KIAA1217: variants seen among roughly 807,000 people sequenced by gnomAD.
The protein encoded by KIAA1217 is sickle tail protein homolog.
Under a neutral mutation model 163.9 loss-of-function variants are expected in KIAA1217, and 88 were observed. The ratio of observed to expected loss-of-function variants is 0.54; its 90% CI spans 0.45 to 0.64. KIAA1217 has a LOEUF of 0.64. KIAA1217 is among the 30% of genes least tolerant of loss of function. The probability of loss-of-function intolerance (pLI) is 0.00; values close to 1 mark genes in which losing one functional copy is unlikely to be tolerated. For synonymous variants in KIAA1217, 903 were observed against 923.1 expected (o/e 0.98, Z 0.39); for missense variants, 2,372 against 2,475.0 (o/e 0.96, Z 0.88).
chr10:24,119,910 C>G (rs556524973), intron 2 of KIAA1217, among the ~76,000 whole-genome samples: 1 of 152,222 alleles, frequency 6.6e-6, no homozygotes, highest in Admixed American at 6.5e-5. Context: ...AAGCCATCAC[C>G]TGTACCAAGG....
intron 9 of KIAA1217, among the ~76,000 whole-genome samples, chr10:24,507,803 A>G (rs954042030): frequency 6.6e-6 from 1 of 152,342 alleles, no homozygotes; most frequent in South Asian, 2.1e-4. Flanking sequence ...ACCAAAGCAC[A>G]TGGTAGTCAA....
intron 2 of KIAA1217, among the ~76,000 whole-genome samples, chr10:24,147,832 C>CAAAAAAAA (rs1176106711): frequency 6.7e-3 from 137 of 20,576 alleles, no homozygotes; most frequent in East Asian, 0.011. Context: ...TACTCTGTCT[C>CAAAAAAAA]AAAAAAAAAA....
At chr10:24,270,332 C>T (rs184809481) in intron 2 of KIAA1217, among the ~76,000 whole-genome samples, 1 of 152,156 alleles carries the variant, frequency 6.6e-6, no homozygotes, top group Non-Finnish European at 1.5e-5. Flanking sequence ...CATCTTCCCC[C>T]ACTTACTGGG....
chr10:23,847,643 T>G (rs1839106626), intron 1 of KIAA1217, among the ~76,000 whole-genome samples: 1 of 152,158 alleles, frequency 6.6e-6, no homozygotes, highest in South Asian at 2.1e-4. Context: ...CTCTATCAAT[T>G]TTGTTGATCT....
chr10:23,844,867 C>T (rs1838946367), intron 1 of KIAA1217, among the ~76,000 whole-genome samples: 1 of 152,012 alleles, frequency 6.6e-6, no homozygotes, highest in African/African-American at 2.4e-5. Context: ...TTAGGTATTT[C>T]TCCTCATGCT....
At chr10:23,892,344 T>C (rs1188227940) in intron 1 of KIAA1217, among the ~76,000 whole-genome samples, 1 of 151,802 alleles carries the variant, frequency 6.6e-6, no homozygotes, top group Non-Finnish European at 1.5e-5. Context: ...GAGATTTTCC[T>C]TTCATCTGGT....
chr10:23,694,743 G>C (rs1295613346), upstream of KIAA1217: 1 of 152,592 alleles, frequency 6.6e-6, no homozygotes, highest in Admixed American at 6.5e-5. Context: ...GAAGAGAGCG[G>C]CTGGAGAGGG....
intron 1 of KIAA1217, among the ~76,000 whole-genome samples, chr10:23,990,246 G>A (rs1846161759): frequency 6.6e-6 from 1 of 152,154 alleles, no homozygotes; most frequent in African/African-American, 2.4e-5. Flanking sequence ...GGTAAATCAT[G>A]CAACATATAT....
At chr10:24,283,121 C>T (rs919038875) in intron 2 of KIAA1217, among the ~76,000 whole-genome samples, 1 of 151,850 alleles carries the variant, frequency 6.6e-6, no homozygotes, top group African/African-American at 2.4e-5. Flanking sequence ...GCATGAGCCA[C>T]CGCAACCAGC....
At chr10:23,846,754 A>T (rs1839051325) in intron 1 of KIAA1217, among the ~76,000 whole-genome samples, 1 of 152,204 alleles carries the variant, frequency 6.6e-6, no homozygotes, top group African/African-American at 2.4e-5. Flanking sequence ...TGCCCTGGCC[A>T]GAACTTCCAA....
At position 23,805,996 on chromosome 10, in the gene KIAA1217, C is replaced by CAAAAAAAAAAAAAAAAAAAAAAAA. The variant is rs71397917; in HGVS notation, c.-321+110767_-321+110790dup. On this transcript the variant is annotated intron_variant, in intron 1 of 18. Coordinates refer to the KIAA1217 transcript ENST00000376462. ...GGGCAACAAGAGCAAAACTCCATCT[C>CAAAAAAAAAAAAAAAAAAAAAAAA]AAAAAAAAAAAAAAAAAAAAAAAAA... Among the ~76,000 whole-genome samples, 123 of 30,478 alleles carry CAAAAAAAAAAAAAAAAAAAAAAAA rather than the reference C, an allele frequency of 4.0e-3. 1 individual carries two copies. Among genetic ancestry groups the CAAAAAAAAAAAAAAAAAAAAAAAA allele is most frequent in the Middle Eastern group, 0.031 (1 of 32 alleles). 20.0% of individuals were successfully genotyped at this position (30,478 alleles called of 152,430 possible). A position where few individuals can be genotyped will look rare whatever the true frequency, so the allele number is the denominator to read the frequency against.
intron 2 of KIAA1217, among the ~76,000 whole-genome samples, chr10:24,103,917 C>A (rs2062518017): frequency 6.6e-6 from 1 of 152,086 alleles, no homozygotes; most frequent in South Asian, 2.1e-4. Context: ...AAAAATAGAC[C>A]AACACAAACA....
Position 24,152,415 on chromosome 10 carries a change from T to C in KIAA1217, c.-170-67211T>C, listed in dbSNP as rs547512287. Among the ~76,000 whole-genome samples, 28 of 152,314 alleles carry C rather than the reference T, an allele frequency of 1.8e-4. 1 individual carries two copies. The South Asian group carries it at 5.4e-3, about 29-fold the overall frequency. ...TAAGTACTTAGCCTTTTAAAAACCT[T>C]TCCGTGTGAATCAGTATGTAAAATA... On this transcript the variant is annotated intron_variant, in intron 2 of 18. Transcript: ENST00000376462.
intron 2 of KIAA1217, among the ~76,000 whole-genome samples, chr10:24,183,887 A>T (rs760493092): frequency 1.3e-3 from 200 of 152,334 alleles, no homozygotes; most frequent in Admixed American, 2.4e-3. Context: ...AGGTCTCTTC[A>T]AATCTTCTCT....
intron 2 of KIAA1217, among the ~76,000 whole-genome samples, chr10:24,314,306 G>A (rs1356283667): frequency 2.0e-5 from 3 of 152,114 alleles, no homozygotes; most frequent in Admixed American, 6.6e-5. Context: ...TAAGATTTCT[G>A]CCTAAAATTT....
At chr10:24,424,283 C>T (rs527392639) in intron 3 of KIAA1217, among the ~76,000 whole-genome samples, 1 of 152,238 alleles carries the variant, frequency 6.6e-6, no homozygotes, top group South Asian at 2.1e-4. Flanking sequence ...ACACACACAC[C>T]CTTGTTCAAA....
intron 1 of KIAA1217, among the ~76,000 whole-genome samples, chr10:23,952,499 TC>T (rs1844383759): frequency 6.6e-6 from 1 of 152,156 alleles, no homozygotes; most frequent in Non-Finnish European, 1.5e-5. Flanking sequence ...AACAGGCAAT[TC>T]TAAGTACCTG....
At chr10:24,334,469 AAGGAAGGAAGG>A (rs1422560554) in intron 2 of KIAA1217, among the ~76,000 whole-genome samples, 53 of 150,410 alleles carry the variant, frequency 3.5e-4, no homozygotes, top group Non-Finnish European at 5.5e-4. Context: ...GGAAGGAAGG[AAGGAAGGAAGG>A]AAGGAACTTA....
At chr10:24,085,695 A>C (rs1372835044) in intron 2 of KIAA1217, among the ~76,000 whole-genome samples, 1 of 151,632 alleles carries the variant, frequency 6.6e-6, no homozygotes, top group Non-Finnish European at 1.5e-5. Context: ...GCTGGCTGGG[A>C]GGCATGGTAG....
Sources: allele counts gnomAD v4.1 joint callset (sites outside exome capture counted in the v4.1 genomes callset), GRCh38; gene constraint gnomAD v4.1.1; transcripts MANE v1.5; gene names NCBI Gene and HGNC (gene_info 2026-07-23, HGNC 2026-07-21).